Variants in TRAIP observed in about 807,000 individuals in gnomAD.
TRAIP encodes the protein E3 ubiquitin-protein ligase TRAIP.
Under a neutral mutation model 65.0 loss-of-function variants are expected in TRAIP, and 37 were observed. The ratio of observed to expected loss-of-function variants is 0.57; its 90% CI spans 0.44 to 0.75. The LOEUF (loss-of-function observed/expected upper bound fraction) is 0.75. Among genes scored for constraint, TRAIP ranks in the 30% least tolerant of loss-of-function variants. The pLI, the probability that TRAIP is intolerant of heterozygous loss-of-function variation, is 0.00. For missense variants in TRAIP, 481 were observed against 579.4 expected (o/e 0.83, Z 1.74); for synonymous variants, 187 against 219.1 (o/e 0.85, Z 1.29).
chr3:49,830,185 C>T (rs1443102082), intron 11 of TRAIP, 117 bp from the exon 12 acceptor site: 3 of 1,170,390 alleles, frequency 2.6e-6, no homozygotes, highest in Non-Finnish European at 3.8e-6. Context: ...GCCATGCCTG[C>T]ATTCTGGGCA....
chr3:49,848,975 T>C (rs2081908930), intron 1 of TRAIP, among the ~76,000 whole-genome samples: 1 of 151,660 alleles, frequency 6.6e-6, no homozygotes, highest in Admixed American at 6.6e-5. Context: ...GCCTCCCAGG[T>C]AGCTGGGATT....
intron 1 of TRAIP, 23 bp from the exon 2 acceptor site, chr3:49,848,223 A>C (rs1238508755): frequency 1.2e-6 from 2 of 1,613,580 alleles, no homozygotes; most frequent in African/African-American, 2.7e-5. Context: ...GCAGAACAAT[A>C]GACTGATGAG....
intron 1 of TRAIP, among the ~76,000 whole-genome samples, chr3:49,849,714 TTTAA>T (rs2108320713): frequency 6.6e-6 from 1 of 152,062 alleles, no homozygotes; most frequent in African/African-American, 2.4e-5. Context: ...AGCCTTAAAC[TTTAA>T]TTAGTCTCCT....
intron 1 of TRAIP, among the ~76,000 whole-genome samples, chr3:49,851,221 A>G (rs1049007138): frequency 1.3e-5 from 2 of 151,860 alleles, no homozygotes; most frequent in African/African-American, 4.8e-5. Context: ...CAATCTGCCT[A>G]CCTCAGCCTC....
chr3:49,833,365 C>T (rs1453310618), intron 10 of TRAIP, among the ~76,000 whole-genome samples: 17 of 152,212 alleles, frequency 1.1e-4, no homozygotes, highest in Admixed American at 3.3e-4. Context: ...TTCACTTGCA[C>T]CTCCTGGTCA....
At chr3:49,830,242 G>A (rs564014315) in intron 11 of TRAIP, among the ~76,000 whole-genome samples, 174 bp from the exon 12 acceptor site, 1 of 152,318 alleles carries the variant, frequency 6.6e-6, no homozygotes, top group Non-Finnish European at 1.5e-5. Context: ...TTAACAGCTG[G>A]ACAGCCACAG....
At chr3:49,838,904 G>GA (rs201201456) in intron 10 of TRAIP, among the ~76,000 whole-genome samples, 1,750 of 147,906 alleles carry the variant, frequency 0.012, 39 homozygotes, top group African/African-American at 0.041. Flanking sequence ...AAAGATTAAA[G>GA]ACTGGGCTGG....
chr3:49,850,069 G>A (rs964446000), intron 1 of TRAIP, among the ~76,000 whole-genome samples: 8 of 151,784 alleles, frequency 5.3e-5, no homozygotes, highest in Non-Finnish European at 1.0e-4. Flanking sequence ...GTAACCAGGC[G>A]CAGTGGAATA....
intron 11 of TRAIP, 75 bp downstream of exon 11, chr3:49,831,841 A>C: frequency 7.1e-7 from 1 of 1,413,358 alleles, no homozygotes; most frequent in Non-Finnish European, 9.3e-7. Flanking sequence ...CTCAGAGCTA[A>C]CAGCACAGGG....
intron 9 of TRAIP, 102 bp from the exon 10 acceptor site, chr3:49,839,962 G>C: frequency 8.2e-7 from 1 of 1,225,350 alleles, no homozygotes; most frequent in South Asian, 1.2e-5. Flanking sequence ...CAGCCCACTG[G>C]GAACAGAGCA....
intron 6 of TRAIP, 77 bp downstream of exon 6, chr3:49,842,376 T>C (rs1312421757): frequency 2.1e-6 from 3 of 1,439,230 alleles, no homozygotes. Context: ...TCCCACTCCC[T>C]GCTGCAGTCC....
At chr3:49,836,107 C>T (rs893693596) in intron 10 of TRAIP, among the ~76,000 whole-genome samples, 4 of 151,910 alleles carry the variant, frequency 2.6e-5, no homozygotes, top group South Asian at 2.1e-4. Context: ...GGATTATAGG[C>T]GTGTACCACC....
chr3:49,829,655 T>G lies in TRAIP; in HGVS notation c.1198A>C (p.Lys400Gln), dbSNP rs1479255589. 6.2e-7 allele frequency: 1 copy of G among 1,614,174 alleles called. No homozygotes were observed. The change falls in exon 13 of 15, where the codon AAG becomes CAG. Residue 400 changes from lysine (K) to glutamine (Q), a missense_variant. By Grantham distance (53) the Lys-to-Gln change is moderately conservative (BLOSUM62 1). Coordinates refer to ENST00000331456, the MANE Select transcript of TRAIP (RefSeq NM_005879.3). Reference sequence around the variant, plus strand: ...CAAGAGGACTCTGACCTGGGCCTCTTGGGCTGTTTCTGGCCTAGGATGGCA... The same window carrying G: ...CAAGAGGACTCTGACCTGGGCCTCTGGGGCTGTTTCTGGCCTAGGATGGCA... Reference protein sequence around the residue: ...RNAILGQKQPKRPRSESSCSK... With the variant: ...RNAILGQKQPQRPRSESSCSK...
At chr3:49,855,401 T>C (rs1010246066) in intron 1 of TRAIP, among the ~76,000 whole-genome samples, 5 of 151,314 alleles carry the variant, frequency 3.3e-5, no homozygotes, top group African/African-American at 1.2e-4. Flanking sequence ...TGAGCCGAGA[T>C]CACGCCACTG....
Position 49,843,868 on chromosome 3 carries a change from C to T in TRAIP, c.341G>A (p.Arg114His), listed in dbSNP as rs746577850. The change falls in exon 5 of 15, where the codon CGC (arginine) becomes CAC (histidine). Residue 114 changes from arginine (R) to histidine (H), a missense_variant. Coordinates refer to ENST00000331456, the MANE Select transcript of TRAIP (RefSeq NM_005879.3). Reference sequence around the variant, plus strand: ...CTGCAGAGATACCACAGTAGCATTGCGTTCTTCCAGCGTATCCCGCAGAGT... The same window carrying T: ...CTGCAGAGATACCACAGTAGCATTGTGTTCTTCCAGCGTATCCCGCAGAGT... The part of the protein sequence containing the change: ...IDTLRDTLEE[R>H]NATVVSLQQA... The T allele has an allele frequency of 7.4e-6, 12 of 1,613,756 alleles. No individual in the cohort carries two copies. The highest frequency in any genetic ancestry group is 6.7e-5 in the East Asian group (3 of 44,884).
At chr3:49,840,395 G>A in intron 8 of TRAIP, 22 bp from the exon 9 acceptor site, 2 of 1,606,874 alleles carry the variant, frequency 1.2e-6, no homozygotes, top group Non-Finnish European at 1.7e-6. Context: ...TGTAGGGAAT[G>A]AAAGACAAGC....
At chr3:49,832,877 A>G (rs1169046233) in intron 10 of TRAIP, among the ~76,000 whole-genome samples, 1 of 152,044 alleles carries the variant, frequency 6.6e-6, no homozygotes, top group African/African-American at 2.4e-5. Context: ...TTCCTTCCTC[A>G]GGAACTTTTC....
chr3:49,841,835 GAC>G lies in TRAIP; in HGVS notation c.606_607del (p.Leu204GlnfsTer19). ...GGGCCACAGTACGCACTTCTTGAGA[GAC>G]ACACAGTACACAGCCAGCTGTTCCA... On this transcript the variant is annotated frameshift_variant, in exon 7 of 15. Transcript: ENST00000331456. LOFTEE classifies it high-confidence loss of function. 1.2e-6 allele frequency: 2 copies of G among 1,614,030 alleles called. No homozygotes were observed. Among genetic ancestry groups the G allele is most frequent in the African/African-American group, 1.3e-5 (1 of 75,056 alleles).
chr3:49,856,300 A>G (rs1396481163), intron 1 of TRAIP, 56 bp downstream of exon 1: 1 of 1,491,976 alleles, frequency 6.7e-7, no homozygotes, highest in African/African-American at 1.4e-5. Flanking sequence ...CCAACACCTC[A>G]AGGCCCTGAA....
Sources: gnomAD v4.1 joint callset for allele counts (sites outside exome capture counted in the v4.1 genomes callset) on GRCh38, gnomAD v4.1.1 for gene constraint, MANE v1.5 for transcripts, NCBI Gene and HGNC (gene_info 2026-07-23, HGNC 2026-07-21) for gene names.